ENKUR: variants seen among roughly 807,000 people sequenced by gnomAD.
ENKUR encodes the protein enkurin.
A neutral mutation model predicts 27.6 loss-of-function variants in ENKUR; 19 were observed. The ratio of observed to expected loss-of-function variants is 0.69; its 90% CI spans 0.48 to 1.01. ENKUR has a LOEUF of 1.01. Among genes scored for constraint, ENKUR ranks in the 50% least tolerant of loss-of-function variants. The pLI, the probability that ENKUR is intolerant of heterozygous loss-of-function variation, is 0.00. For synonymous variants in ENKUR, 117 were observed against 96.9 expected (o/e 1.21, Z -1.22); for missense variants, 312 against 310.5 (o/e 1.00, Z -0.04).
chr10:24,998,119 A>C (rs2132692350), intron 2 of ENKUR, among the ~76,000 whole-genome samples: 1 of 152,172 alleles, frequency 6.6e-6, no homozygotes, highest in South Asian at 2.1e-4. Flanking sequence ...ATATGGGTTG[A>C]GAGAGGATTT....
At chr10:25,034,148 GTAT>G (rs1850974145) in intron 2 of ENKUR, among the ~76,000 whole-genome samples, 2 of 151,772 alleles carry the variant, frequency 1.3e-5, no homozygotes, top group South Asian at 2.1e-4. Context: ...ACAGTAAAAC[GTAT>G]TATTTATTTT....
At chr10:25,054,530 C>CTTTCCTTT (rs1554774537) in intron 2 of ENKUR, among the ~76,000 whole-genome samples, 9 of 90,424 alleles carry the variant, frequency 1.0e-4, no homozygotes, top group African/African-American at 2.0e-4. Flanking sequence ...TTCTTTCTTT[C>CTTTCCTTT]CTTTCTTTCT....
At chr10:25,035,839 A>G (rs1055416705) in intron 2 of ENKUR, among the ~76,000 whole-genome samples, 4 of 152,242 alleles carry the variant, frequency 2.6e-5, no homozygotes, top group African/African-American at 7.2e-5. Context: ...ACTCAAGGTC[A>G]TTCTTCTCTG....
Position 25,056,550 on chromosome 10 carries a change from T to C in ENKUR, c.37+4562A>G, listed in dbSNP as rs1851258144. Reference sequence around the variant, plus strand: ...TGTTAAGTCTCGAGTTGGGAGAACGTACTTAGCGTTTAGAAATTGTAAGTA... The same window carrying C: ...TGTTAAGTCTCGAGTTGGGAGAACGCACTTAGCGTTTAGAAATTGTAAGTA... On this transcript the variant is annotated intron_variant, in intron 2 of 5. Coordinates refer to the ENKUR transcript ENST00000615958. Among the ~76,000 whole-genome samples, 3 of 152,226 alleles carry C rather than the reference T, an allele frequency of 2.0e-5. No individual in the cohort carries two copies. The South Asian group carries it at 6.2e-4, about 32-fold the overall frequency.
At chr10:25,033,864 T>TATC (rs1564353915) in intron 2 of ENKUR, among the ~76,000 whole-genome samples, 1 of 148,268 alleles carries the variant, frequency 6.7e-6, no homozygotes, top group African/African-American at 2.6e-5. Flanking sequence ...TCTATCTATC[T>TATC]ATCAATCATC....
intron 2 of ENKUR, among the ~76,000 whole-genome samples, chr10:25,028,526 C>A (rs1588678301): frequency 6.6e-6 from 1 of 152,288 alleles, no homozygotes; most frequent in Non-Finnish European, 1.5e-5. Flanking sequence ...TCAACTTCTC[C>A]CCTTCTGTGT....
At chr10:25,014,148 A>C (rs910523217) in intron 1 of ENKUR, among the ~76,000 whole-genome samples, 21 of 152,138 alleles carry the variant, frequency 1.4e-4, no homozygotes, top group African/African-American at 5.1e-4. Context: ...TTCATCTTCT[A>C]AGTTCTCATT....
intron 2 of ENKUR, among the ~76,000 whole-genome samples, chr10:25,038,533 T>C (rs576401284): frequency 1.3e-5 from 2 of 152,244 alleles, no homozygotes; most frequent in Non-Finnish European, 2.9e-5. Context: ...TTTATGAGGA[T>C]CTAATAAAAT....
chr10:25,016,044 T>A lies in ENKUR; in HGVS notation c.-108A>T. 1 of 1,475,658 alleles carries A rather than the reference T, an allele frequency of 6.8e-7. No individual in the cohort carries two copies. Among genetic ancestry groups the A allele is most frequent in the Non-Finnish European group, 9.0e-7 (1 of 1,109,550 alleles). The allele number at this position is 1,475,658 out of a possible 1,614,324, so 91.4% of individuals were successfully genotyped here. ...TCCCCTTTCTTTCTTCTTCGCCTTCTGAAGGACCACAGGTTCTCTCCTTCA... is the reference window on the plus strand; with the variant it reads ...TCCCCTTTCTTTCTTCTTCGCCTTCAGAAGGACCACAGGTTCTCTCCTTCA... On this transcript the variant is annotated 5_prime_UTR_variant, in exon 1 of 6. Transcript: ENST00000331161.
intron 2 of ENKUR, chr10:25,024,301 C>T: frequency 1.2e-6 from 2 of 1,614,154 alleles, no homozygotes; most frequent in South Asian, 1.1e-5. Context: ...GCTTATGCCT[C>T]ATATTTTTGC....
At chr10:25,031,557 T>C (rs1014341202) in intron 2 of ENKUR, among the ~76,000 whole-genome samples, 8 of 152,216 alleles carry the variant, frequency 5.3e-5, no homozygotes, top group African/African-American at 1.9e-4. Flanking sequence ...GGTAGTTTGT[T>C]ATAAAATATT....
intron 2 of ENKUR, among the ~76,000 whole-genome samples, chr10:25,027,426 A>G (rs1207657747): frequency 4.1e-5 from 6 of 145,022 alleles, no homozygotes; most frequent in African/African-American, 1.5e-4. Context: ...AGTCCCAGCT[A>G]CTTGGGAGGC....
chr10:25,030,611 A>G (rs1359960791), intron 2 of ENKUR, among the ~76,000 whole-genome samples: 1 of 152,086 alleles, frequency 6.6e-6, no homozygotes, highest in African/African-American at 2.4e-5. Context: ...TTATTGGTAC[A>G]AGTCTTTGTG....
chr10:25,048,410 A>G (rs1851144895), intron 2 of ENKUR, among the ~76,000 whole-genome samples: 1 of 152,090 alleles, frequency 6.6e-6, no homozygotes, highest in Admixed American at 6.6e-5. Flanking sequence ...GTTCACAAAC[A>G]TAAAAGGGGC....
At chr10:25,027,360 A>AAAAAAAAAT in intron 2 of ENKUR, among the ~76,000 whole-genome samples, 1 of 101,400 alleles carries the variant, frequency 9.9e-6, no homozygotes, top group Non-Finnish European at 1.9e-5. Flanking sequence ...CCCGTCTCAA[A>AAAAAAAAAT]AAAAAAAAAA....
At chr10:25,059,275 G>A (rs1174700270) in intron 2 of ENKUR, among the ~76,000 whole-genome samples, 1 of 151,520 alleles carries the variant, frequency 6.6e-6, no homozygotes, top group Non-Finnish European at 1.5e-5. Context: ...GGGATTACAG[G>A]TGCCCGCCAC....
At chr10:25,050,874 G>T (rs1176139785) in intron 2 of ENKUR, among the ~76,000 whole-genome samples, 1 of 152,212 alleles carries the variant, frequency 6.6e-6, no homozygotes, top group East Asian at 1.9e-4. Context: ...TTTCAAAAAA[G>T]GTGAAGGGCA....
intron 1 of ENKUR, among the ~76,000 whole-genome samples, chr10:25,011,183 C>A (rs1008960976): frequency 6.6e-6 from 1 of 152,130 alleles, no homozygotes; most frequent in Non-Finnish European, 1.5e-5. Context: ...ATTTGCATTT[C>A]TCTGATGGCC....
chr10:25,017,502 A>G (rs1330871543), upstream of ENKUR, among the ~76,000 whole-genome samples: 5 of 152,152 alleles, frequency 3.3e-5, no homozygotes, highest in African/African-American at 1.2e-4. Context: ...GGAGTGATTA[A>G]AACAACACAA....
Sources: gnomAD v4.1 joint callset for allele counts (sites outside exome capture counted in the v4.1 genomes callset) on GRCh38, gnomAD v4.1.1 for gene constraint, MANE v1.5 for transcripts, NCBI Gene and HGNC (gene_info 2026-07-23, HGNC 2026-07-21) for gene names.